AOPEP: variants seen among roughly 807,000 people sequenced by gnomAD.
AOPEP encodes aminopeptidase O.
Under a neutral mutation model 98.1 loss-of-function variants are expected in AOPEP, and 77 were observed. That is an observed-to-expected ratio of 0.78 (90% CI 0.65 to 0.95). AOPEP has a LOEUF of 0.95. Ranked by LOEUF, AOPEP falls within the 40% of genes least tolerant of loss-of-function variation. The probability of loss-of-function intolerance (pLI) is 0.00; values close to 1 mark genes in which losing one functional copy is unlikely to be tolerated. For missense variants in AOPEP, 1,024 were observed against 1,024.7 expected, an observed-to-expected ratio of 1.00 and a Z score of 0.01; for synonymous variants, 346 against 365.3, an observed-to-expected ratio of 0.95 and a Z score of 0.60.
At chr9:94,797,812 C>A (rs1847344546) in intron 4 of AOPEP, among the ~76,000 whole-genome samples, 1 of 151,474 alleles carries the variant, frequency 6.6e-6, no homozygotes, top group Admixed American at 6.6e-5. Context: ...AAGTGATTCT[C>A]CTGCCTCAGT....
intron 13 of AOPEP, among the ~76,000 whole-genome samples, chr9:95,027,643 A>G (rs903081858): frequency 6.6e-6 from 1 of 152,174 alleles, no homozygotes; most frequent in African/African-American, 2.4e-5. Context: ...GTGAAGTTCT[A>G]GGTGTTAGAA....
At chr9:94,792,403 T>C (rs1845921996) in intron 3 of AOPEP, among the ~76,000 whole-genome samples, 1 of 152,232 alleles carries the variant, frequency 6.6e-6, no homozygotes, top group East Asian at 1.9e-4. Context: ...TTGAGCATTT[T>C]TTTTAATGCT....
At chr9:95,116,685 C>T in the AOPEP span, among the ~76,000 whole-genome samples, 1 of 152,192 alleles carries the variant, frequency 6.6e-6, no homozygotes, top group East Asian at 1.9e-4. Flanking sequence ...TCTCTATTTC[C>T]GAAATGTCTC....
At chr9:94,979,643 G>A (rs1346186939) in intron 11 of AOPEP, among the ~76,000 whole-genome samples, 1 of 152,202 alleles carries the variant, frequency 6.6e-6, no homozygotes, top group Non-Finnish European at 1.5e-5. Context: ...CGTGGTATAC[G>A]TGGAATTGAT....
At chr9:95,123,654 T>C in the AOPEP span, 1 of 630,468 alleles carries the variant, frequency 1.6e-6, no homozygotes, top group Non-Finnish European at 3.0e-6. Flanking sequence ...GGAAACACAG[T>C]GGAGGCTGCA....
chr9:95,110,848 T>C, the AOPEP span: 1 of 1,173,796 alleles, frequency 8.5e-7, no homozygotes, highest in Non-Finnish European at 1.1e-6. Flanking sequence ...ATATTCCACA[T>C]AAAATAACAA....
At chr9:94,769,411 T>A in intron 2 of AOPEP, among the ~76,000 whole-genome samples, 1 of 152,162 alleles carries the variant, frequency 6.6e-6, no homozygotes, top group African/African-American at 2.4e-5. Context: ...AGCCTGCAGC[T>A]GATGAAGAGA....
intron 5 of AOPEP, chr9:94,904,835 C>T (rs1049005736): frequency 2.0e-5 from 3 of 152,138 alleles, no homozygotes; most frequent in Non-Finnish European, 4.4e-5. Flanking sequence ...TTTATTGTTC[C>T]AGTTTTAGTC....
At chr9:94,805,323 TGTA>T (rs1849022305) in intron 5 of AOPEP, among the ~76,000 whole-genome samples, 1 of 152,162 alleles carries the variant, frequency 6.6e-6, no homozygotes. Flanking sequence ...ACCGTCCCTT[TGTA>T]GAGAAGGGAG....
chr9:94,917,765 C>G (rs1022814484), intron 5 of AOPEP, among the ~76,000 whole-genome samples: 1 of 152,114 alleles, frequency 6.6e-6, no homozygotes, highest in African/African-American at 2.4e-5. Context: ...GTTGTCTGTC[C>G]TTCCTATTTT....
chr9:94,908,420 A>T (rs1458973778), intron 5 of AOPEP, among the ~76,000 whole-genome samples: 1 of 152,076 alleles, frequency 6.6e-6, no homozygotes, highest in Non-Finnish European at 1.5e-5. Flanking sequence ...CTCCTGGGGG[A>T]TTTGAAGAAT....
intron 5 of AOPEP, among the ~76,000 whole-genome samples, chr9:94,899,851 G>A (rs188800978): frequency 1.5e-4 from 23 of 152,252 alleles, no homozygotes; most frequent in Admixed American, 1.1e-3. Context: ...ATTTTTAGAC[G>A]TAGGTTGCTT....
chr9:95,086,940 T>G lies in AOPEP; in HGVS notation c.*263T>G, dbSNP rs1287265152. Reference sequence around the variant, plus strand: ...CTGGAGTGGAGCTGCTCTGAGATTTTGAGTTCTTCTGCAGAGATGATTAAA... The same window carrying G: ...CTGGAGTGGAGCTGCTCTGAGATTTGGAGTTCTTCTGCAGAGATGATTAAA... On this transcript the variant is annotated 3_prime_UTR_variant, in exon 17 of 17. Transcript: ENST00000375315. 2 of 987,698 alleles carry G rather than the reference T, an allele frequency of 2.0e-6. No homozygotes were observed. Among genetic ancestry groups the G allele is most frequent in the African/African-American group, 3.5e-5 (2 of 57,304 alleles). The allele number at this position is 987,698 out of a possible 1,614,324, so 61.2% of individuals were successfully genotyped here.
intron 5 of AOPEP, among the ~76,000 whole-genome samples, chr9:94,853,554 C>T (rs2043819950): frequency 2.6e-5 from 4 of 152,090 alleles, no homozygotes; most frequent in Admixed American, 2.6e-4. Flanking sequence ...AGTCATGAAG[C>T]TTTTCTATTA....
At chr9:95,045,705 G>A (rs1269261410) in intron 13 of AOPEP, among the ~76,000 whole-genome samples, 1 of 152,148 alleles carries the variant, frequency 6.6e-6, no homozygotes, top group Non-Finnish European at 1.5e-5. Flanking sequence ...GATGATTGTG[G>A]TCCTCGTGCT....
chr9:95,122,673 C>A, the AOPEP span, among the ~76,000 whole-genome samples: 1 of 152,172 alleles, frequency 6.6e-6, no homozygotes, highest in Admixed American at 6.5e-5. Context: ...CCACGGCCAA[C>A]ATAGAGGCTG....
the AOPEP span, among the ~76,000 whole-genome samples, chr9:95,136,932 G>GA: frequency 6.6e-6 from 1 of 152,166 alleles, no homozygotes; most frequent in African/African-American, 2.4e-5. Flanking sequence ...CTGGCTCTGG[G>GA]ATACAGTAGA....
chr9:95,088,909 C>T (rs1056308494), downstream of AOPEP, among the ~76,000 whole-genome samples: 2 of 152,232 alleles, frequency 1.3e-5, no homozygotes, highest in African/African-American at 4.8e-5. Context: ...ATTGCTGTCA[C>T]GGATTTGACT....
intron 5 of AOPEP, among the ~76,000 whole-genome samples, chr9:94,906,573 T>G (rs1353175597): frequency 6.6e-6 from 1 of 151,904 alleles, no homozygotes; most frequent in Non-Finnish European, 1.5e-5. Flanking sequence ...GATGCTGAGG[T>G]AGGAGGATTG....
Sources: allele counts gnomAD v4.1 joint callset (sites outside exome capture counted in the v4.1 genomes callset), GRCh38; gene constraint gnomAD v4.1.1; transcripts MANE v1.5; gene names NCBI Gene and HGNC (gene_info 2026-07-23, HGNC 2026-07-21).